Variants in RTL4 observed in about 807,000 individuals in gnomAD.
The protein encoded by RTL4 is retrotransposon Gag-like protein 4.
Under a neutral mutation model 5.3 loss-of-function variants are expected in RTL4, and 4 were observed. That is an observed-to-expected ratio of 0.75 (90% CI 0.37 to 1.72). The LOEUF (loss-of-function observed/expected upper bound fraction) is 1.72. Ranked by LOEUF, RTL4 falls within the 40% of genes most tolerant of loss-of-function variation. The pLI is 0.04. For missense variants in RTL4, 260 were observed against 227.1 expected (o/e 1.14, Z -0.93); for synonymous variants, 98 against 87.3 (o/e 1.12, Z -0.68).
chrX:112,220,984 A>G, the RTL4 span, among the ~76,000 whole-genome samples: 2 of 112,263 alleles, frequency 1.8e-5, no homozygotes, highest in Non-Finnish European at 3.8e-5. Flanking sequence ...CACATTTTCA[A>G]GTATCTTTAT....
chrX:112,344,987 C>A, the RTL4 span, among the ~76,000 whole-genome samples: 5 of 111,683 alleles, frequency 4.5e-5, no homozygotes, highest in South Asian at 1.9e-3. Flanking sequence ...TTACTCACTA[C>A]TGCAAGAATA....
the RTL4 span, among the ~76,000 whole-genome samples, chrX:112,347,344 C>A: frequency 1.8e-5 from 2 of 111,825 alleles, no homozygotes; most frequent in South Asian, 3.7e-4. Flanking sequence ...GGGGAGAAAT[C>A]ATTTCTTCCT....
the RTL4 span, chrX:112,381,810 G>A: frequency 2.6e-5 from 31 of 1,207,193 alleles, no homozygotes; most frequent in Non-Finnish European, 3.4e-5. Flanking sequence ...GCAAAGACAC[G>A]GGAAGTACAG....
the RTL4 span, among the ~76,000 whole-genome samples, chrX:112,286,127 C>G: frequency 9.0e-6 from 1 of 111,622 alleles, no homozygotes; most frequent in African/African-American, 3.3e-5. Flanking sequence ...AAGAAAGTCT[C>G]TCTGAGAAAA....
the RTL4 span, among the ~76,000 whole-genome samples, chrX:112,269,917 C>G: frequency 2.8e-4 from 31 of 112,280 alleles, no homozygotes; most frequent in African/African-American, 9.7e-4. Context: ...AATGTTGAAA[C>G]ATGGTGTTCC....
the RTL4 span, among the ~76,000 whole-genome samples, chrX:112,402,505 A>C: frequency 3.7e-5 from 4 of 107,840 alleles, no homozygotes; most frequent in Non-Finnish European, 7.7e-5. Context: ...GCTGAAATTC[A>C]CTTGTGCTTT....
At chrX:112,144,783 C>T in the RTL4 span, among the ~76,000 whole-genome samples, 1 of 111,831 alleles carries the variant, frequency 8.9e-6, no homozygotes, top group Non-Finnish European at 1.9e-5. Flanking sequence ...CTCCACATAT[C>T]TCCCATGTAG....
chrX:112,097,026 T>A, the RTL4 span, among the ~76,000 whole-genome samples: 6 of 112,216 alleles, frequency 5.3e-5, no homozygotes, highest in Admixed American at 5.7e-4. Context: ...GAAGGTTATA[T>A]AACAGAATGC....
At chrX:112,117,808 G>C in the RTL4 span, among the ~76,000 whole-genome samples, 4 of 110,953 alleles carry the variant, frequency 3.6e-5, no homozygotes, top group South Asian at 1.5e-3. Flanking sequence ...AGTCTTTAAA[G>C]GAATAATTCC....
the RTL4 span, among the ~76,000 whole-genome samples, chrX:112,103,455 G>A: frequency 9.0e-6 from 1 of 111,075 alleles, no homozygotes; most frequent in Non-Finnish European, 1.9e-5. Flanking sequence ...GCCTCAGAAA[G>A]AATAGTTAAG....
chrX:112,322,178 TAAAA>T, the RTL4 span, among the ~76,000 whole-genome samples: 2 of 111,666 alleles, frequency 1.8e-5, no homozygotes. Flanking sequence ...TTTCAGTGAC[TAAAA>T]GAGTCTTGCA....
At chrX:112,271,590 C>T in the RTL4 span, among the ~76,000 whole-genome samples, 2 of 111,597 alleles carry the variant, frequency 1.8e-5, no homozygotes, top group Non-Finnish European at 3.8e-5. Flanking sequence ...TAATTCCTGC[C>T]CTTGAGAGTT....
chrX:112,256,612 C>A, the RTL4 span, among the ~76,000 whole-genome samples: 9 of 111,586 alleles, frequency 8.1e-5, no homozygotes, highest in African/African-American at 2.9e-4. Context: ...AAATTATAAT[C>A]TTTTTGATAC....
At chrX:112,161,046 T>C in the RTL4 span, among the ~76,000 whole-genome samples, 29 of 111,598 alleles carry the variant, frequency 2.6e-4, no homozygotes, top group Admixed American at 2.1e-3. Flanking sequence ...AGAGTAAATT[T>C]TAAATGTCTC....
the RTL4 span, among the ~76,000 whole-genome samples, chrX:112,226,979 T>A: frequency 3.7e-5 from 2 of 54,141 alleles, no homozygotes; most frequent in Non-Finnish European, 7.4e-5. Flanking sequence ...AATAATAAAA[T>A]AAAATAAAAC....
chrX:112,207,313 C>T, the RTL4 span, among the ~76,000 whole-genome samples: 2 of 111,431 alleles, frequency 1.8e-5, no homozygotes. Flanking sequence ...CCTAGCATCA[C>T]CTTTCTGGGG....
At chrX:112,283,613 A>G in the RTL4 span, among the ~76,000 whole-genome samples, 1 of 111,684 alleles carries the variant, frequency 9.0e-6, no homozygotes, top group Non-Finnish European at 1.9e-5. Flanking sequence ...CAGCAAGCCT[A>G]CTGTCCTTTA....
chrX:112,142,830 AT>A, the RTL4 span, among the ~76,000 whole-genome samples: 2 of 110,699 alleles, frequency 1.8e-5, no homozygotes, highest in African/African-American at 6.6e-5. Context: ...CAAAGGAGAA[AT>A]TTTTTTTCTT....
chrX:112,103,189 CA>C, the RTL4 span, among the ~76,000 whole-genome samples: 1 of 111,478 alleles, frequency 9.0e-6, no homozygotes, highest in Non-Finnish European at 1.9e-5. Context: ...CCCAAATGCC[CA>C]TCAATGATAG....
Sources: gnomAD v4.1 joint callset for allele counts (sites outside exome capture counted in the v4.1 genomes callset) on GRCh38, gnomAD v4.1.1 for gene constraint, MANE v1.5 for transcripts, NCBI Gene and HGNC (gene_info 2026-07-23, HGNC 2026-07-21) for gene names.